Variants in ANKS1B observed in about 807,000 individuals in gnomAD.
ANKS1B encodes ankyrin repeat and sterile alpha motif domain-containing protein 1B.
Under a neutral mutation model 148.3 loss-of-function variants are expected in ANKS1B, and 36 were observed. The observed-to-expected ratio is 0.24, with a 90% CI of 0.19 to 0.32. The LOEUF (loss-of-function observed/expected upper bound fraction) is 0.32. Ranked by LOEUF, ANKS1B falls within the 10% of genes least tolerant of loss-of-function variation. The pLI is 1.00. For synonymous variants in ANKS1B, 542 were observed against 560.8 expected (o/e 0.97, Z 0.47); for missense variants, 1,157 against 1,542.6 (o/e 0.75, Z 4.19).
At chr12:99,453,611 C>G (rs574176751) in intron 10 of ANKS1B, among the ~76,000 whole-genome samples, 9 of 152,172 alleles carry the variant, frequency 5.9e-5, no homozygotes, top group Non-Finnish European at 1.5e-5. Context: ...TACAGCCTCC[C>G]GGGAAATCTT....
intron 1 of ANKS1B, among the ~76,000 whole-genome samples, chr12:99,973,306 G>A (rs2095583581): frequency 1.3e-5 from 2 of 152,266 alleles, no homozygotes; most frequent in Admixed American, 1.3e-4. Context: ...CGGGCCAGGT[G>A]CAGTGGCCCA....
intron 12 of ANKS1B, among the ~76,000 whole-genome samples, chr12:99,337,169 T>C (rs1480668656): frequency 6.6e-6 from 1 of 152,094 alleles, no homozygotes; most frequent in Non-Finnish European, 1.5e-5. Flanking sequence ...TTGCTAAATT[T>C]TGTAGGTGTG....
chr12:99,328,098 A>C (rs1268962981), intron 12 of ANKS1B, among the ~76,000 whole-genome samples: 1 of 152,048 alleles, frequency 6.6e-6, no homozygotes, highest in Non-Finnish European at 1.5e-5. Flanking sequence ...CCTAAAATAA[A>C]AAGTGAAAAT....
chr12:99,573,963 T>G (rs966439405), intron 9 of ANKS1B, among the ~76,000 whole-genome samples: 4 of 152,072 alleles, frequency 2.6e-5, no homozygotes, highest in Non-Finnish European at 5.9e-5. Flanking sequence ...GTAAGAGATA[T>G]TCCAGTCTGC....
At chr12:99,094,440 C>A (rs777625927) in intron 15 of ANKS1B, among the ~76,000 whole-genome samples, 2 of 152,020 alleles carry the variant, frequency 1.3e-5, no homozygotes, top group Non-Finnish European at 2.9e-5. Context: ...TAAGGTCACA[C>A]AGGTAGTAAA....
At chr12:99,318,821 T>G (rs1390765718) in intron 12 of ANKS1B, among the ~76,000 whole-genome samples, 2 of 152,180 alleles carry the variant, frequency 1.3e-5, no homozygotes, top group African/African-American at 4.8e-5. Context: ...GCTATAAATT[T>G]CCCTCTACAC....
intron 12 of ANKS1B, among the ~76,000 whole-genome samples, chr12:99,369,845 G>GAT (rs1382454555): frequency 9.6e-4 from 129 of 134,840 alleles, no homozygotes; most frequent in Non-Finnish European, 1.3e-3. Context: ...CAGACAGACA[G>GAT]AGACAGATAG....
intron 12 of ANKS1B, among the ~76,000 whole-genome samples, chr12:99,397,477 C>T (rs144563486): frequency 1.3e-5 from 2 of 151,998 alleles, no homozygotes; most frequent in Non-Finnish European, 2.9e-5. Flanking sequence ...AAAGAAGTAA[C>T]CAATATAATT....
chr12:99,926,807 C>T (rs963732904), intron 1 of ANKS1B, among the ~76,000 whole-genome samples: 14 of 152,306 alleles, frequency 9.2e-5, no homozygotes, highest in Middle Eastern at 3.4e-3. Flanking sequence ...CCAGACCTTT[C>T]CCTTTCTCCT....
chr12:99,247,094 G>C (rs1435099341), intron 12 of ANKS1B, among the ~76,000 whole-genome samples: 1 of 152,170 alleles, frequency 6.6e-6, no homozygotes, highest in Non-Finnish European at 1.5e-5. Flanking sequence ...ATATACCTTA[G>C]AGTTCATTTC....
intron 17 of ANKS1B, among the ~76,000 whole-genome samples, chr12:98,833,249 A>C (rs1426110301): frequency 6.6e-6 from 1 of 152,182 alleles, no homozygotes; most frequent in Non-Finnish European, 1.5e-5. Flanking sequence ...CGAGTGGTTA[A>C]GTCACCTACC....
intron 3 of ANKS1B, among the ~76,000 whole-genome samples, chr12:99,809,318 A>G (rs1030786599): frequency 3.9e-5 from 6 of 151,948 alleles, no homozygotes; most frequent in African/African-American, 1.4e-4. Context: ...GTTTCGGTGA[A>G]TGGCAAAGGC....
intron 25 of ANKS1B, among the ~76,000 whole-genome samples, chr12:98,754,293 A>C (rs2098175810): frequency 6.6e-6 from 1 of 152,200 alleles, no homozygotes; most frequent in African/African-American, 2.4e-5. Context: ...GAGGTCTGGG[A>C]GACAGCTCTG....
chr12:99,029,867 C>T (rs149487582), intron 17 of ANKS1B, among the ~76,000 whole-genome samples: 11 of 152,358 alleles, frequency 7.2e-5, no homozygotes, highest in Middle Eastern at 6.8e-3. Context: ...GTTCCTGCTC[C>T]TCCCCTTCCT....
chr12:99,461,191 AC>A (rs2095959816), intron 10 of ANKS1B, among the ~76,000 whole-genome samples: 1 of 152,140 alleles, frequency 6.6e-6, no homozygotes, highest in South Asian at 2.1e-4. Context: ...GGAAAACCAA[AC>A]ATATGTTCTC....
At chr12:99,338,791 TG>T (rs2089418001) in intron 12 of ANKS1B, among the ~76,000 whole-genome samples, 2 of 152,298 alleles carry the variant, frequency 1.3e-5, no homozygotes, top group Admixed American at 6.5e-5. Context: ...GGTTCCCTTC[TG>T]GTGCAGGGTA....
chr12:99,047,590 A>G (rs1471975210), intron 17 of ANKS1B, among the ~76,000 whole-genome samples: 2 of 152,138 alleles, frequency 1.3e-5, no homozygotes, highest in Admixed American at 6.5e-5. Context: ...AGCCAGGGGG[A>G]AAAAAACTGA....
At chr12:99,008,597 T>A (rs1288387340) in intron 17 of ANKS1B, among the ~76,000 whole-genome samples, 1 of 152,198 alleles carries the variant, frequency 6.6e-6, no homozygotes, top group East Asian at 1.9e-4. Flanking sequence ...GAGCTCAACC[T>A]GTCTTATTTT....
Position 99,488,323 on chromosome 12 carries a change from G to A in ANKS1B, c.1438+16153C>T, listed in dbSNP as rs374925721. On this transcript the variant is annotated intron_variant, in intron 10 of 26. Transcript: ENST00000683438. ...TCTTTCATTAGTTATCTTCTCCTTC[G>A]CATTTTTGGTTTGCCATGTTTCTTC... Among the ~76,000 whole-genome samples, 85 of 151,888 alleles carry A rather than the reference G, an allele frequency of 5.6e-4. 1 individual carries two copies. The South Asian group carries it at 0.017, about 31-fold the overall frequency.
Sources: gnomAD v4.1 joint callset for allele counts (sites outside exome capture counted in the v4.1 genomes callset) on GRCh38, gnomAD v4.1.1 for gene constraint, MANE v1.5 for transcripts, NCBI Gene and HGNC (gene_info 2026-07-23, HGNC 2026-07-21) for gene names.